GARNL3: variants seen among roughly 807,000 people sequenced by gnomAD.
GARNL3 encodes GTPase-activating Rap/Ran-GAP domain-like protein 3.
A neutral mutation model predicts 125.0 loss-of-function variants in GARNL3; 63 were observed. The observed-to-expected ratio is 0.50, with a 90% confidence interval of 0.41 to 0.62. GARNL3 has a LOEUF of 0.62. Ranked by LOEUF, GARNL3 falls within the 20% of genes least tolerant of loss-of-function variation. The pLI, the probability that GARNL3 is intolerant of heterozygous loss-of-function variation, is 0.00. For synonymous variants in GARNL3, 439 were observed against 457.5 expected, an observed-to-expected ratio of 0.96 and a Z score of 0.52; for missense variants, 994 against 1,244.0, an observed-to-expected ratio of 0.80 and a Z score of 3.02.
At chr9:127,327,399 G>A (rs1001145749) in intron 7 of GARNL3, among the ~76,000 whole-genome samples, 8 of 152,186 alleles carry the variant, frequency 5.3e-5, no homozygotes, top group Non-Finnish European at 1.0e-4. Flanking sequence ...ATTGAACAGA[G>A]AAGGTTTCTC....
At chr9:127,313,788 A>G (rs772704092) in intron 4 of GARNL3, among the ~76,000 whole-genome samples, 1 of 151,948 alleles carries the variant, frequency 6.6e-6, no homozygotes, top group Admixed American at 6.6e-5. Context: ...TATGTTTGCT[A>G]ATTACCGCAT....
At chr9:127,374,257 C>T (rs1463018977) in intron 22 of GARNL3, among the ~76,000 whole-genome samples, 2 of 151,736 alleles carry the variant, frequency 1.3e-5, no homozygotes, top group East Asian at 1.9e-4. Context: ...GCTGAGATTG[C>T]GCCATTGCGC....
chr9:127,355,292 C>A lies in GARNL3; in HGVS notation c.1760-5C>A. On this transcript the variant is annotated splice_region_variant and splice_polypyrimidine_tract_variant and intron_variant, in intron 19 of 27. Coordinates refer to ENST00000373387, the MANE Select transcript of GARNL3 (RefSeq NM_032293.5). The stretch of plus-strand genomic sequence containing the variant: ...GTGTAAGGCATCATTTCTTTCTCCT[C>A]CCAGGCTGCCACCTGTATGCTATTA... 6.2e-7 allele frequency: 1 copy of A among 1,613,164 alleles called. No homozygotes were observed.
chr9:127,256,415 G>A (rs2063496201), intron 2 of GARNL3, among the ~76,000 whole-genome samples: 1 of 152,104 alleles, frequency 6.6e-6, no homozygotes, highest in Non-Finnish European at 1.5e-5. Flanking sequence ...CTGACGAAGG[G>A]GATAAAAAGA....
In GARNL3 at chr9:127,392,256, A is replaced by T. The variant is rs1832907702; in HGVS notation, c.2871-827A>T. Among the ~76,000 whole-genome samples, 1 of 152,232 alleles carries T rather than the reference A, an allele frequency of 6.6e-6. No homozygotes were observed. Among genetic ancestry groups the T allele is most frequent in the Non-Finnish European group, 1.5e-5 (1 of 68,036 alleles). ...GAAAACAGACAGCCAACCTGTAAAC[A>T]AGTAAGCAAATAAAATCATTTCAAA... is the stretch of plus-strand genomic sequence containing the variant. On this transcript the variant is annotated intron_variant, in intron 27 of 27. Transcript: ENST00000373387. The surrounding 1 kb of genome is among the most constrained non-coding windows in gnomAD (Gnocchi z 5.2).
chr9:127,319,107 T>A (rs1398437345), intron 5 of GARNL3, among the ~76,000 whole-genome samples: 1 of 152,192 alleles, frequency 6.6e-6, no homozygotes, highest in Non-Finnish European at 1.5e-5. Flanking sequence ...AGGTGACACC[T>A]AATAGCTACA....
At chr9:127,380,869 C>A (rs1832214746) in intron 22 of GARNL3, among the ~76,000 whole-genome samples, 1 of 152,110 alleles carries the variant, frequency 6.6e-6, no homozygotes. Context: ...TGCTAAAATT[C>A]ATTGAATTGT....
At chr9:127,298,504 T>G (rs895250384) in intron 2 of GARNL3, among the ~76,000 whole-genome samples, 1 of 152,196 alleles carries the variant, frequency 6.6e-6, no homozygotes, top group African/African-American at 2.4e-5. Context: ...TTAGAAAATA[T>G]GGTTTTTAAC....
intron 1 of GARNL3, among the ~76,000 whole-genome samples, chr9:127,230,974 G>A (rs2062990086): frequency 6.9e-6 from 1 of 144,010 alleles, no homozygotes; most frequent in Non-Finnish European, 1.5e-5. Flanking sequence ...GTGTGTGTGT[G>A]TGTGTATACA....
At chr9:127,347,417 G>A (rs569454843) in intron 16 of GARNL3, among the ~76,000 whole-genome samples, 1 of 152,134 alleles carries the variant, frequency 6.6e-6, no homozygotes, top group Non-Finnish European at 1.5e-5. Context: ...GCAAGACCTC[G>A]TCTCAAAATA....
At chr9:127,285,219 G>C (rs1454029736) in intron 1 of GARNL3, among the ~76,000 whole-genome samples, 2 of 152,152 alleles carry the variant, frequency 1.3e-5, no homozygotes, top group South Asian at 4.1e-4. Flanking sequence ...ATCACCTGAG[G>C]TCGGGAGTTT....
chr9:127,284,534 G>T (rs2064190882), intron 1 of GARNL3, among the ~76,000 whole-genome samples: 1 of 151,262 alleles, frequency 6.6e-6, no homozygotes, highest in South Asian at 2.1e-4. Context: ...GCTTTCCTTG[G>T]GTTTATTTCA....
In GARNL3 at chr9:127,385,114, T is replaced by C; in HGVS notation, c.2357T>C (p.Val786Ala). Residue 786 changes from valine to alanine, a missense_variant, in exon 24 of 28, where the codon GTC becomes GCC. Val to Ala is a moderately conservative substitution (Grantham distance 64). This residue lies in a region of GARNL3 where 728 missense variants were observed against 865.7 expected (regional missense o/e 0.84). Coordinates refer to ENST00000373387, the MANE Select transcript of GARNL3 (RefSeq NM_032293.5). This position sits in a 1 kb window ranked among gnomAD's most constrained non-coding sequence, Gnocchi z 4.1. ...AACGGGAACCTGGTCCACACTGCAG[T>C]CGTGCCGCAGCTGCAGCTGGTGGCC... Reference protein sequence around the residue: ...VVNGNLVHTAVVPQLQLVASR... With the variant: ...VVNGNLVHTAAVPQLQLVASR... The C allele has an allele frequency of 6.2e-7, 1 of 1,609,074 alleles. No individual in the cohort carries two copies.
chr9:127,296,619 C>T (rs1160057748), intron 2 of GARNL3, among the ~76,000 whole-genome samples: 1 of 151,650 alleles, frequency 6.6e-6, no homozygotes, highest in East Asian at 1.9e-4. Context: ...TTACAGGCAC[C>T]CACCATTGTA....
At position 127,379,461 on chromosome 9, in the gene GARNL3, T is replaced by A. The variant is rs369794873; in HGVS notation, c.2162-3977T>A. ...TGGCTGAGACTGTCAGAGTCATGGA[T>A]TCTGGCACCCTCTCTCTGCACTGCT... On this transcript the variant is annotated intron_variant, in intron 22 of 27. Coordinates refer to ENST00000373387, the MANE Select transcript of GARNL3 (RefSeq NM_032293.5). Among the ~76,000 whole-genome samples, 8 of 152,334 alleles carry A rather than the reference T, an allele frequency of 5.3e-5. No homozygotes were observed. The South Asian group carries it at 1.7e-3, about 32-fold the overall frequency.
At chr9:127,356,578 C>G (rs1259406301) in intron 20 of GARNL3, 3 of 152,234 alleles carry the variant, frequency 2.0e-5, no homozygotes, top group African/African-American at 7.2e-5. Flanking sequence ...CTTCAGGGGA[C>G]AGAGCAACAT....
intron 16 of GARNL3, among the ~76,000 whole-genome samples, chr9:127,347,136 G>A (rs1266959699): frequency 6.6e-6 from 1 of 152,216 alleles, no homozygotes; most frequent in Non-Finnish European, 1.5e-5. Flanking sequence ...CCATTAAAAT[G>A]GGGCCGGGTG....
chr9:127,266,101 T>A lies in GARNL3; in HGVS notation c.144+1080T>A, dbSNP rs888840366. 2.6e-5 allele frequency among the ~76,000 whole-genome samples: 4 copies of A among 152,386 alleles called. No individual in the cohort carries two copies. Among genetic ancestry groups the A allele is most frequent in the Admixed American group, 1.3e-4 (2 of 15,310 alleles). On this transcript the variant is annotated intron_variant, in intron 1 of 27. Transcript: ENST00000373387. The surrounding 1 kb of genome is among the most constrained non-coding windows in gnomAD (Gnocchi z 4.0). ...CCTCAGTTGATTCAGTCAACACCTG[T>A]TCTGTCTGTCACTGGTGACACCACA...
At chr9:127,383,653 A>C (rs2131818669) in intron 23 of GARNL3, 108 bp downstream of exon 23, 28 of 652,254 alleles carry the variant, frequency 4.3e-5, no homozygotes, top group Non-Finnish European at 2.7e-6. Flanking sequence ...AATTGCTATA[A>C]ATTATACGCG....
Sources: gnomAD v4.1 joint callset for allele counts (sites outside exome capture counted in the v4.1 genomes callset) on GRCh38, gnomAD v4.1.1 for gene constraint, gnomAD v4.1.1 regional missense constraint, Gnocchi (gnomAD v3.1) non-coding constraint, MANE v1.5 for transcripts, NCBI Gene and HGNC (gene_info 2026-07-23, HGNC 2026-07-21) for gene names.